NFIB: variants seen among roughly 807,000 people sequenced by gnomAD.
NFIB encodes the protein nuclear factor 1 B-type.
In NFIB, 11 loss-of-function variants were observed where a neutral mutation model predicts 61.5. The ratio of observed to expected loss-of-function variants is 0.18; its 90% confidence interval spans 0.11 to 0.30. The LOEUF (loss-of-function observed/expected upper bound fraction) is 0.30, where lower values mean the gene tolerates loss of function less well. Ranked by LOEUF, NFIB falls within the 10% of genes least tolerant of loss-of-function variation. The pLI, the probability that NFIB is intolerant of heterozygous loss-of-function variation, is 1.00. For synonymous variants in NFIB, 260 were observed against 216.5 expected (o/e 1.20, Z -1.76); for missense variants, 471 against 608.9 (o/e 0.77, Z 2.38).
At chr9:14,311,701 G>C (rs1171005969) in intron 1 of NFIB, among the ~76,000 whole-genome samples, 1 of 152,118 alleles carries the variant, frequency 6.6e-6, no homozygotes, top group African/African-American at 2.4e-5. Context: ...CATATTTGGA[G>C]GATACTAAAA....
At chr9:14,236,399 C>T (rs2053746614) in intron 2 of NFIB, among the ~76,000 whole-genome samples, 1 of 152,188 alleles carries the variant, frequency 6.6e-6, no homozygotes, top group Admixed American at 6.5e-5. Flanking sequence ...TATTTGAATT[C>T]TGACAAGCTG....
the NFIB span, among the ~76,000 whole-genome samples, chr9:14,431,576 T>A: frequency 6.6e-6 from 1 of 152,126 alleles, no homozygotes; most frequent in Non-Finnish European, 1.5e-5. Flanking sequence ...GTTTGTATAT[T>A]ATTCTTTTAA....
intron 3 of NFIB, among the ~76,000 whole-genome samples, chr9:14,164,788 T>C (rs1176903683): frequency 6.6e-6 from 1 of 152,170 alleles, no homozygotes; most frequent in East Asian, 1.9e-4. Context: ...ACTGGAACCA[T>C]CTGGGATTCT....
In NFIB at chr9:14,146,763, C is replaced by G. The variant is rs755013997; in HGVS notation, c.851G>C (p.Ser284Thr). 1.2e-6 allele frequency: 2 copies of G among 1,606,030 alleles called. No individual in the cohort carries two copies. The highest frequency in any genetic ancestry group is 2.7e-5 in the African/African-American group (2 of 74,276). ...AGAGGGGTAAAAGTCTCCTGTAGGA[C>G]TTGGTTCCATATTTTCATCTATGGA... ...TISIDENMEPSPTGDFYPSPS... is the reference protein window; with the variant it reads ...TISIDENMEPTPTGDFYPSPS... Residue 284 changes from serine to threonine, a missense_variant, in exon 6 of 11, where the codon AGT becomes ACT. Physicochemically the swap from Ser to Thr is moderately conservative, Grantham distance 58. Around this residue, in one of 2 missense-constraint regions of NFIB, gnomAD observed 372 missense variants for 395.6 expected, o/e 0.94. Transcript: ENST00000380953.
intron 2 of NFIB, among the ~76,000 whole-genome samples, chr9:14,211,564 G>T (rs750102671): frequency 6.6e-6 from 1 of 152,190 alleles, no homozygotes; most frequent in Non-Finnish European, 1.5e-5. Context: ...CTCAAGGCAC[G>T]GAACTGGACA....
intron 1 of NFIB, among the ~76,000 whole-genome samples, chr9:14,323,108 C>G (rs2060701660): frequency 6.6e-6 from 1 of 152,216 alleles, no homozygotes; most frequent in South Asian, 2.1e-4. Flanking sequence ...GGAGGACTCC[C>G]GAAATGTTCC....
intron 1 of NFIB, among the ~76,000 whole-genome samples, chr9:14,336,006 T>C (rs1379796696): frequency 1.3e-5 from 2 of 152,230 alleles, no homozygotes; most frequent in Non-Finnish European, 2.9e-5. Context: ...TTTCTGTTTT[T>C]CTATTCTGTT....
chr9:14,196,966 T>C (rs2048539216), intron 2 of NFIB, among the ~76,000 whole-genome samples: 3 of 152,218 alleles, frequency 2.0e-5, no homozygotes, highest in South Asian at 4.1e-4. Flanking sequence ...ATCCAATCAA[T>C]CAAGAATGTG....
chr9:14,435,566 G>A, the NFIB span, among the ~76,000 whole-genome samples: 1 of 152,118 alleles, frequency 6.6e-6, no homozygotes, highest in Non-Finnish European at 1.5e-5. Context: ...ACCTAAAATA[G>A]GTCTGTCACA....
chr9:14,193,869 GAACT>G (rs1220695185), intron 2 of NFIB, among the ~76,000 whole-genome samples: 1 of 152,116 alleles, frequency 6.6e-6, no homozygotes, highest in African/African-American at 2.4e-5. Context: ...TTTTTGGATA[GAACT>G]AACAGGATGA....
the NFIB span, among the ~76,000 whole-genome samples, chr9:14,435,923 C>G: frequency 6.6e-6 from 1 of 152,308 alleles, no homozygotes; most frequent in Non-Finnish European, 1.5e-5. Flanking sequence ...AATGCCACAC[C>G]CATTAGGTAA....
chr9:14,486,704 CACACACACACAT>C, the NFIB span, among the ~76,000 whole-genome samples: 2 of 151,936 alleles, frequency 1.3e-5, no homozygotes, highest in Admixed American at 6.6e-5. Context: ...AATACACACA[CACACACACACAT>C]ACACACACAG....
chr9:14,179,913 A>C, intron 2 of NFIB, 133 bp from the exon 3 acceptor site: 1 of 730,346 alleles, frequency 1.4e-6, no homozygotes, highest in Non-Finnish European at 2.2e-6. Context: ...ACACTTTCCC[A>C]AGACTTTTGA....
intron 2 of NFIB, among the ~76,000 whole-genome samples, chr9:14,267,019 G>C (rs2057258328): frequency 6.6e-6 from 1 of 152,054 alleles, no homozygotes; most frequent in Non-Finnish European, 1.5e-5. Context: ...ACAAATTTTG[G>C]GCTGTGAGCT....
At chr9:14,416,760 C>T in the NFIB span, among the ~76,000 whole-genome samples, 16 of 151,946 alleles carry the variant, frequency 1.1e-4, no homozygotes, top group Non-Finnish European at 2.9e-5. Context: ...CTTTATAAAG[C>T]CTACAGTAGT....
At chr9:14,385,076 A>G (rs1208420159) in intron 1 of NFIB, among the ~76,000 whole-genome samples, 2 of 152,184 alleles carry the variant, frequency 1.3e-5, no homozygotes, top group Non-Finnish European at 2.9e-5. Context: ...CTTGGACTCA[A>G]ACTCCTAGCA....
chr9:14,148,833 T>G (rs761320537), intron 5 of NFIB, among the ~76,000 whole-genome samples: 1 of 152,206 alleles, frequency 6.6e-6, no homozygotes, highest in Non-Finnish European at 1.5e-5. Context: ...CTAAGCTTAG[T>G]TTCTTCCCAA....
At chr9:14,163,247 T>C (rs1487990138) in intron 3 of NFIB, among the ~76,000 whole-genome samples, 2 of 151,480 alleles carry the variant, frequency 1.3e-5, no homozygotes, top group Admixed American at 6.6e-5. Flanking sequence ...AATAAGAAAA[T>C]AGGATGTAAA....
chr9:14,497,263 A>AT, the NFIB span, among the ~76,000 whole-genome samples: 8 of 151,936 alleles, frequency 5.3e-5, no homozygotes, highest in African/African-American at 9.7e-5. Context: ...ACCCAATTAC[A>AT]TTTTTTTTGG....
Sources: gnomAD v4.1 joint callset for allele counts (sites outside exome capture counted in the v4.1 genomes callset) on GRCh38, gnomAD v4.1.1 for gene constraint, gnomAD v4.1.1 regional missense constraint, MANE v1.5 for transcripts, NCBI Gene and HGNC (gene_info 2026-07-23, HGNC 2026-07-21) for gene names.